URB1: variants seen among roughly 807,000 people sequenced by gnomAD.
URB1 encodes nucleolar pre-ribosomal-associated protein 1.
A neutral mutation model predicts 242.3 loss-of-function variants in URB1; 197 were observed. The ratio of observed to expected loss-of-function variants is 0.81; its 90% CI spans 0.72 to 0.91. The LOEUF is 0.91. Ranked by LOEUF, URB1 falls within the 40% of genes least tolerant of loss-of-function variation. The probability of loss-of-function intolerance (pLI) is 0.00; values close to 1 mark genes in which losing one functional copy is unlikely to be tolerated. For synonymous variants in URB1, 1,153 were observed against 1,201.8 expected (o/e 0.96, Z 0.84); for missense variants, 2,721 against 2,860.5 (o/e 0.95, Z 1.11).
chr21:32,315,247 A>C, intron 38 of URB1, 148 bp from the exon 39 acceptor site: 2 of 564,386 alleles, frequency 3.5e-6, no homozygotes, highest in Non-Finnish European at 5.6e-6. Flanking sequence ...CACCGATACA[A>C]CAACTCACTC....
chr21:32,314,589 T>C lies in URB1; in HGVS notation c.*329A>G, dbSNP rs374776513. 7 of 1,614,262 alleles carry C rather than the reference T, an allele frequency of 4.3e-6. No homozygotes were observed. The highest frequency in any genetic ancestry group is 5.9e-6 in the Non-Finnish European group (7 of 1,180,042). ...GAATCTCTTCTGCATTCAGAAGTGCTGCCTCAAACTCGAGCTATTTCCTGT... is the reference window on the plus strand; with the variant it reads ...GAATCTCTTCTGCATTCAGAAGTGCCGCCTCAAACTCGAGCTATTTCCTGT... On this transcript the variant is annotated 3_prime_UTR_variant, in exon 39 of 39. Transcript: ENST00000382751.
intron 14 of URB1, among the ~76,000 whole-genome samples, chr21:32,358,599 A>T (rs1297029226): frequency 6.6e-6 from 1 of 152,204 alleles, no homozygotes; most frequent in East Asian, 1.9e-4. Context: ...TGGTTAGCTT[A>T]GGCAGAGCCA....
intron 14 of URB1, among the ~76,000 whole-genome samples, chr21:32,358,704 G>T (rs2033251649): frequency 6.6e-6 from 1 of 152,152 alleles, no homozygotes; most frequent in African/African-American, 2.4e-5. Flanking sequence ...AAATTATCAA[G>T]ATCCCATGAG....
At chr21:32,344,448 CCT>C in intron 24 of URB1, 120 bp downstream of exon 24, 1 of 1,072,174 alleles carries the variant, frequency 9.3e-7, no homozygotes, top group Non-Finnish European at 1.3e-6. Flanking sequence ...AGACACAGCC[CCT>C]CTCATTTCCT....
At chr21:32,318,019 C>T (rs756463347) in intron 36 of URB1, 102 bp from the exon 37 acceptor site, 28 of 1,429,722 alleles carry the variant, frequency 2.0e-5, no homozygotes, top group Non-Finnish European at 2.4e-5. Flanking sequence ...GAGGTGCACA[C>T]AGTCCCTCCA....
At chr21:32,385,452 G>A in intron 2 of URB1, 93 bp downstream of exon 2, 1 of 1,453,026 alleles carries the variant, frequency 6.9e-7, no homozygotes, top group Non-Finnish European at 9.1e-7. Context: ...TAGAAAGTTG[G>A]TAATGGAAAT....
Position 32,356,886 on chromosome 21 carries a change from C to T in URB1, c.1989+651G>A, listed in dbSNP as rs116025114. Among the ~76,000 whole-genome samples, 56 of 152,282 alleles carry T rather than the reference C, an allele frequency of 3.7e-4. 1 individual carries two copies. The highest frequency in any genetic ancestry group is 1.3e-3 in the African/African-American group (53 of 41,566). ...TGCACTACCTGGAAGGAAATGGCAA[C>T]CTATGGAGGTCAAGACTTAGACTGC... is the stretch of plus-strand genomic sequence containing the variant. On this transcript the variant is annotated intron_variant, in intron 15 of 38. Transcript: ENST00000382751.
At chr21:32,377,163 GT>G (rs535925889) in intron 5 of URB1, 6 of 516,468 alleles carry the variant, frequency 1.2e-5, no homozygotes, top group South Asian at 2.8e-5. Context: ...TATCTTAAAA[GT>G]TTTTTTATCT....
intron 36 of URB1, 94 bp downstream of exon 36, chr21:32,319,123 A>C: frequency 4.7e-6 from 6 of 1,270,676 alleles, no homozygotes; most frequent in Non-Finnish European, 5.4e-6. Context: ...TCCCCCTGGT[A>C]CAGAGTCATG....
chr21:32,385,668 C>T lies in URB1; in HGVS notation c.159G>A (p.Val53=), dbSNP rs1568834918. Residue 53 remains valine, a synonymous_variant, in exon 2 of 39, where the codon GTG becomes GTA. Coordinates refer to ENST00000382751, the MANE Select transcript of URB1 (RefSeq NM_014825.3). The part of the protein sequence containing the change: ...QGPGPGLEAF[V]SAAKKLPRED... ...CTCGTGGTAGCTTCTTGGCAGCAGA[C>T]ACAAACGCTTCCAAGCCTGAAAAAA... The T allele has an allele frequency of 1.3e-6, 2 of 1,551,512 alleles. No individual in the cohort carries two copies. Among genetic ancestry groups the T allele is most frequent in the African/African-American group, 1.4e-5 (1 of 73,110 alleles).
intron 21 of URB1, among the ~76,000 whole-genome samples, chr21:32,348,789 GA>G (rs2033123426): frequency 6.6e-6 from 1 of 152,038 alleles, no homozygotes; most frequent in Non-Finnish European, 1.5e-5. Flanking sequence ...GAGCTCAAAG[GA>G]AAAAAGTGTA....
At chr21:32,352,684 T>C in intron 19 of URB1, 26 bp downstream of exon 19, 2 of 1,549,732 alleles carry the variant, frequency 1.3e-6, no homozygotes, top group South Asian at 1.2e-5. Flanking sequence ...ACAGCAGCAG[T>C]GACCACAGCT....
At position 32,325,219 on chromosome 21, in the gene URB1, TC is replaced by T. The variant is rs1230368916; in HGVS notation, c.5121+9del. ...ACCCCCACAGTAGGATGTACGCTCT[TC>T]CTACTTACCTGGGACTGCTCTTGGA... On this transcript the variant is annotated intron_variant, in intron 31 of 38. Transcript: ENST00000382751. 6.5e-7 allele frequency: 1 copy of T among 1,547,254 alleles called. No individual in the cohort carries two copies. Among genetic ancestry groups the T allele is most frequent in the South Asian group, 1.2e-5 (1 of 83,904 alleles).
At chr21:32,355,384 T>G in intron 16 of URB1, 65 bp downstream of exon 16, 1 of 1,444,346 alleles carries the variant, frequency 6.9e-7, no homozygotes, top group Non-Finnish European at 9.5e-7. Context: ...AATGCCTCGA[T>G]GACGCTAAGA....
Position 32,354,021 on chromosome 21 carries a change from C to A in URB1, c.2328G>T (p.Met776Ile). The A allele has an allele frequency of 6.4e-7, 1 of 1,551,768 alleles. No individual in the cohort carries two copies. The highest frequency in any genetic ancestry group is 1.2e-5 in the South Asian group (1 of 84,064). ...CACTGAATGGGAACGTGAGCAGGATCATGTCTTCACTCAACGTGAACCCTA... is the reference window on the plus strand; with the variant it reads ...CACTGAATGGGAACGTGAGCAGGATAATGTCTTCACTCAACGTGAACCCTA... Reference protein sequence around the residue: ...EEIGFTLSEDMILLTFPFSAV... With the variant: ...EEIGFTLSEDIILLTFPFSAV... The change falls in exon 18 of 39, where the codon ATG becomes ATT. Residue 776 changes from methionine to isoleucine, a missense_variant. Transcript: ENST00000382751.
At chr21:32,368,098 C>T (rs2033365879) in intron 9 of URB1, among the ~76,000 whole-genome samples, 1 of 152,142 alleles carries the variant, frequency 6.6e-6, no homozygotes, top group Non-Finnish European at 1.5e-5. Flanking sequence ...GATGGAGTCT[C>T]GCTCTGTCAC....
At position 32,345,368 on chromosome 21, in the gene URB1, T is replaced by C; in HGVS notation, c.4070+6A>G. ...AACATCCTGCAACCAACCTGAGCCTTCATACCTCTTGTGACTGCTTGGGGT... is the reference window on the plus strand; with the variant it reads ...AACATCCTGCAACCAACCTGAGCCTCCATACCTCTTGTGACTGCTTGGGGT... On this transcript the variant is annotated splice_donor_region_variant and intron_variant, in intron 23 of 38. Transcript: ENST00000382751. 1 of 1,550,278 alleles carries C rather than the reference T, an allele frequency of 6.5e-7. No individual in the cohort carries two copies. The highest frequency in any genetic ancestry group is 1.2e-5 in the South Asian group (1 of 83,970).
In URB1 at chr21:32,312,839, TG is replaced by T. The variant is rs1057420503; in HGVS notation, c.*2078del. On this transcript the variant is annotated 3_prime_UTR_variant, in exon 39 of 39. Coordinates refer to ENST00000382751, the MANE Select transcript of URB1 (RefSeq NM_014825.3). The stretch of plus-strand genomic sequence containing the variant: ...TGATAGGTTTTATTTTTAAAATAAC[TG>T]TGCCCCCCGCCCCACTTAAGATATT... 1 of 152,218 alleles carries T rather than the reference TG, an allele frequency of 6.6e-6. No homozygotes were observed. The highest frequency in any genetic ancestry group is 2.4e-5 in the African/African-American group (1 of 41,440). 9.4% of individuals were successfully genotyped at this position (152,218 alleles called of 1,614,324 possible).
chr21:32,383,666 G>T, intron 3 of URB1, 112 bp from the exon 4 acceptor site: 1 of 1,120,384 alleles, frequency 8.9e-7, no homozygotes, highest in African/African-American at 1.7e-5. Context: ...CCCCAAACCA[G>T]AAAAAAAGAA....
Sources: gnomAD v4.1 joint callset for allele counts (sites outside exome capture counted in the v4.1 genomes callset) on GRCh38, gnomAD v4.1.1 for gene constraint, MANE v1.5 for transcripts, NCBI Gene and HGNC (gene_info 2026-07-23, HGNC 2026-07-21) for gene names.